AUTS2: variants seen among roughly 807,000 people sequenced by gnomAD.
AUTS2 encodes the protein activator of transcription and developmental regulator AUTS2.
In AUTS2, 17 loss-of-function variants were observed where a neutral mutation model predicts 112.4. That is an observed-to-expected ratio of 0.15 (90% CI 0.10 to 0.23). The LOEUF (loss-of-function observed/expected upper bound fraction) is 0.23. AUTS2 is among the 10% of genes least tolerant of loss of function. The probability of loss-of-function intolerance (pLI) is 1.00; values close to 1 mark genes in which losing one functional copy is unlikely to be tolerated. For missense variants in AUTS2, 1,510 were observed against 1,701.6 expected, an observed-to-expected ratio of 0.89 and a Z score of 1.98; for synonymous variants, 751 against 702.7, an observed-to-expected ratio of 1.07 and a Z score of -1.09.
chr7:69,759,940 T>C (rs1455303566), intron 1 of AUTS2, among the ~76,000 whole-genome samples: 1 of 151,866 alleles, frequency 6.6e-6, no homozygotes, highest in East Asian at 1.9e-4. Context: ...CTTTAATTTA[T>C]GCTTGCATTC....
At chr7:70,139,969 C>T (rs1211809763) in intron 4 of AUTS2, among the ~76,000 whole-genome samples, 1 of 152,122 alleles carries the variant, frequency 6.6e-6, no homozygotes, top group Non-Finnish European at 1.5e-5. Context: ...CCATTGCACT[C>T]CAGCCTGGGT....
At chr7:70,351,830 T>G (rs901644719) in intron 4 of AUTS2, among the ~76,000 whole-genome samples, 2 of 152,126 alleles carry the variant, frequency 1.3e-5, no homozygotes, top group Non-Finnish European at 2.9e-5. Flanking sequence ...GCCTCCCACG[T>G]AGCTGGGATT....
chr7:70,722,133 C>T (rs1563152273), intron 6 of AUTS2, among the ~76,000 whole-genome samples: 1 of 152,102 alleles, frequency 6.6e-6, no homozygotes, highest in Non-Finnish European at 1.5e-5. Context: ...ATATAGCCCC[C>T]AGTCCCGGCC....
At chr7:70,788,535 C>T (rs1355017619) in intron 18 of AUTS2, among the ~76,000 whole-genome samples, 4 of 152,292 alleles carry the variant, frequency 2.6e-5, no homozygotes, top group Admixed American at 6.5e-5. Context: ...ATAACCTGGC[C>T]GACCCTAGGC....
intron 2 of AUTS2, among the ~76,000 whole-genome samples, chr7:70,058,289 A>G (rs369714393): frequency 2.6e-5 from 4 of 152,320 alleles, no homozygotes; most frequent in Non-Finnish European, 4.4e-5. Flanking sequence ...GCTTTGTCCT[A>G]TACATGTGGT....
chr7:70,550,303 C>A (rs550856071), intron 5 of AUTS2, among the ~76,000 whole-genome samples: 38 of 152,150 alleles, frequency 2.5e-4, no homozygotes, highest in Non-Finnish European at 4.9e-4. Flanking sequence ...TTATAATTAT[C>A]CCTATGAAAT....
At chr7:69,751,799 A>G (rs1023162254) in intron 1 of AUTS2, among the ~76,000 whole-genome samples, 4 of 152,136 alleles carry the variant, frequency 2.6e-5, no homozygotes, top group Admixed American at 6.5e-5. Context: ...TCCTTTCTCT[A>G]CCACTTAGTG....
At chr7:69,834,529 A>G (rs1791637181) in intron 1 of AUTS2, among the ~76,000 whole-genome samples, 1 of 152,216 alleles carries the variant, frequency 6.6e-6, no homozygotes, top group South Asian at 2.1e-4. Context: ...GTGAAATAAT[A>G]CACAGGAGGA....
At chr7:70,598,926 T>C (rs1311804383) in intron 5 of AUTS2, among the ~76,000 whole-genome samples, 1 of 152,232 alleles carries the variant, frequency 6.6e-6, no homozygotes, top group Non-Finnish European at 1.5e-5. Flanking sequence ...CCAAACTCTT[T>C]ATCAAATGAT....
chr7:70,605,775 C>G (rs998641213), intron 5 of AUTS2, among the ~76,000 whole-genome samples: 1 of 152,120 alleles, frequency 6.6e-6, no homozygotes, highest in African/African-American at 2.4e-5. Context: ...TTGAGGAATA[C>G]ACACAGACCA....
At chr7:69,934,528 T>C (rs1796336485) in intron 2 of AUTS2, among the ~76,000 whole-genome samples, 1 of 152,108 alleles carries the variant, frequency 6.6e-6, no homozygotes, top group Non-Finnish European at 1.5e-5. Flanking sequence ...GGACAGAGGA[T>C]TGTCTAGTGT....
chr7:70,532,722 C>T (rs1201275958), intron 5 of AUTS2, among the ~76,000 whole-genome samples: 1 of 152,142 alleles, frequency 6.6e-6, no homozygotes, highest in Non-Finnish European at 1.5e-5. Flanking sequence ...TTTTCATTCT[C>T]GCAGCAAATA....
chr7:70,775,963 C>T (rs190757982), intron 13 of AUTS2, among the ~76,000 whole-genome samples: 5 of 152,122 alleles, frequency 3.3e-5, no homozygotes, highest in Non-Finnish European at 7.4e-5. Context: ...AATTGTTGGA[C>T]AGAAGATGGA....
chr7:70,003,657 AATATATATAATATATAT>A (rs1415337308), intron 2 of AUTS2, among the ~76,000 whole-genome samples: 6 of 118,914 alleles, frequency 5.0e-5, no homozygotes, highest in Admixed American at 1.9e-4. Context: ...GTTATATATG[AATATATATAATATATAT>A]GAATGTGTTA....
Position 70,786,014 on chromosome 7 carries a change from G to C in AUTS2, c.2284G>C (p.Gly762Arg). Residue 762 changes from glycine to arginine, a missense_variant, in exon 17 of 19, where the codon GGG (glycine) becomes CGG (arginine). Gly to Arg is a moderately radical substitution (Grantham distance 125, BLOSUM62 -2). This residue lies in a region of AUTS2 where 788 missense variants were observed against 797.6 expected (regional missense o/e 0.99). Coordinates refer to ENST00000342771, the MANE Select transcript of AUTS2 (RefSeq NM_015570.4). ...GLAAVGGNAF[G>R]GLGNPSVTPN... ...AGCAGCAGTTGGTGGCAATGCCTTCGGGGGACTTGGAAATCCTTCCGTTAG... is the reference window on the plus strand; with the variant it reads ...AGCAGCAGTTGGTGGCAATGCCTTCCGGGGACTTGGAAATCCTTCCGTTAG... 6.2e-7 allele frequency: 1 copy of C among 1,614,054 alleles called. No individual in the cohort carries two copies. Among genetic ancestry groups the C allele is most frequent in the Non-Finnish European group, 8.5e-7 (1 of 1,179,964 alleles).
intron 2 of AUTS2, among the ~76,000 whole-genome samples, chr7:69,899,932 A>T (rs1794905776): frequency 6.6e-6 from 1 of 152,324 alleles, no homozygotes; most frequent in African/African-American, 2.4e-5. Flanking sequence ...GCTAAGATTT[A>T]TATTTTCCGG....
intron 4 of AUTS2, among the ~76,000 whole-genome samples, chr7:70,362,643 C>A (rs73173561): frequency 3.3e-5 from 5 of 151,840 alleles, no homozygotes; most frequent in Admixed American, 1.3e-4. Flanking sequence ...TCCTTCCTCC[C>A]GTCCTCTCTT....
intron 2 of AUTS2, among the ~76,000 whole-genome samples, chr7:69,983,340 CTT>C (rs79738510): frequency 2.8e-5 from 4 of 143,730 alleles, no homozygotes; most frequent in Admixed American, 6.9e-5. Flanking sequence ...TTTATATAAA[CTT>C]TTTTTTTTTT....
intron 1 of AUTS2, among the ~76,000 whole-genome samples, chr7:69,837,813 G>A (rs550843694): frequency 5.9e-5 from 9 of 152,210 alleles, no homozygotes; most frequent in South Asian, 4.2e-4. Context: ...AATAATACAC[G>A]TTTTCCATTT....
Sources: allele counts gnomAD v4.1 joint callset (sites outside exome capture counted in the v4.1 genomes callset), GRCh38; gene constraint gnomAD v4.1.1; regional missense constraint gnomAD v4.1.1; transcripts MANE v1.5; gene names NCBI Gene and HGNC (gene_info 2026-07-23, HGNC 2026-07-21).